The following MMEL1 variants were observed in gnomAD, a reference collection of about 807,000 sequenced individuals.
The protein encoded by MMEL1 is membrane metallo-endopeptidase-like 1.
Under a neutral mutation model 117.1 loss-of-function variants are expected in MMEL1, and 98 were observed. That is an observed-to-expected ratio of 0.84 (90% CI 0.71 to 0.99). The LOEUF is 0.99. MMEL1 is among the 50% of genes least tolerant of loss of function. MMEL1 has a pLI of 0.00. For missense variants in MMEL1, 1,014 were observed against 1,049.1 expected (o/e 0.97, Z 0.46); for synonymous variants, 390 against 415.1 (o/e 0.94, Z 0.74).
chr1:2,599,650 G>A (rs988762677), intron 11 of MMEL1, among the ~76,000 whole-genome samples: 3 of 152,214 alleles, frequency 2.0e-5, no homozygotes, highest in Admixed American at 2.0e-4. Context: ...CTGAGGCCAG[G>A]AGTTCAAGGC....
chr1:2,607,485 C>T (rs1218368798), intron 6 of MMEL1, among the ~76,000 whole-genome samples: 12 of 150,218 alleles, frequency 8.0e-5, no homozygotes, highest in African/African-American at 2.7e-4. Context: ...TGGGAGGGGG[C>T]GCGGGGTAGG....
intron 11 of MMEL1, among the ~76,000 whole-genome samples, chr1:2,603,213 C>T (rs897700688): frequency 2.0e-5 from 3 of 152,220 alleles, no homozygotes; most frequent in Non-Finnish European, 4.4e-5. Flanking sequence ...GTTGAGGGGG[C>T]AGGGGCTTTG....
intron 2 of MMEL1, 93 bp downstream of exon 2, chr1:2,629,238 G>A (rs568636656): frequency 2.2e-6 from 3 of 1,355,320 alleles, no homozygotes; most frequent in Admixed American, 5.3e-5. Context: ...GGGCGGGCTC[G>A]GGCTGGGGGC....
intron 9 of MMEL1, 138 bp downstream of exon 9, chr1:2,605,420 A>C (rs1162831941): frequency 1.3e-6 from 1 of 742,970 alleles, no homozygotes; most frequent in African/African-American, 1.7e-5. Flanking sequence ...CGCCACCCTC[A>C]GTGCCGGGCT....
At chr1:2,599,598 C>T (rs1570661706) in intron 11 of MMEL1, among the ~76,000 whole-genome samples, 1 of 152,224 alleles carries the variant, frequency 6.6e-6, no homozygotes, top group Non-Finnish European at 1.5e-5. Context: ...TGGCTCACGC[C>T]TGTAATCCCA....
chr1:2,619,649 C>T (rs1225299552), intron 2 of MMEL1, among the ~76,000 whole-genome samples: 1 of 64,682 alleles, frequency 1.5e-5, no homozygotes, highest in Non-Finnish European at 2.7e-5. Context: ...CAGAGTGAGA[C>T]TCTATCAAAA....
chr1:2,594,016 G>C, intron 18 of MMEL1, 83 bp from the exon 19 acceptor site: 1 of 1,475,144 alleles, frequency 6.8e-7, no homozygotes. Context: ...GCTGCCAGGG[G>C]TTCTGACACT....
Position 2,595,615 on chromosome 1 carries a change from G to C in MMEL1, c.1501-256C>G, listed in dbSNP as rs1644823316. 6.6e-6 allele frequency among the ~76,000 whole-genome samples: 1 copy of C among 152,120 alleles called. No individual in the cohort carries two copies. The highest frequency in any genetic ancestry group is 1.5e-5 in the Non-Finnish European group (1 of 68,004). On this transcript the variant is annotated intron_variant, in intron 15 of 23. Transcript: ENST00000378412. The surrounding 1 kb of genome is among the most constrained non-coding windows in gnomAD (Gnocchi z 4.8). ...GAGCCCAACAGCCCGCCAGGGGTCC[G>C]GGTGGGGGCAGGGGCCCTGGAGGGG...
In MMEL1 at chr1:2,595,327, AG is replaced by A. The variant is rs757327398; in HGVS notation, c.1532del (p.Pro511LeufsTer8). On this transcript the variant is annotated frameshift_variant, in exon 16 of 24. Transcript: ENST00000378412. LOFTEE classifies it high-confidence loss of function. The surrounding 1 kb of genome is among the most constrained non-coding windows in gnomAD (Gnocchi z 4.8). The part of the protein sequence containing the change: ...AMSIREQIGH[P>X]DYILEEMNRR... Reference sequence around the variant, plus strand: ...TGTTCATCTCCTCCAGGATGTAGTCAGGGTGCCCGATCTGCTCCCGGATGCT... The same window carrying A: ...TGTTCATCTCCTCCAGGATGTAGTCAGGTGCCCGATCTGCTCCCGGATGCT... 1.9e-6 allele frequency: 3 copies of A among 1,613,780 alleles called. No individual in the cohort carries two copies. Among genetic ancestry groups the A allele is most frequent in the Admixed American group, 1.7e-5 (1 of 59,994 alleles).
rs754937936 is a variant in MMEL1 at position 2,593,941 on chromosome 1, C to T, written c.1748-8G>A. 6.3e-7 allele frequency: 1 copy of T among 1,594,772 alleles called. No individual in the cohort carries two copies. Among genetic ancestry groups the T allele is most frequent in the South Asian group, 1.1e-5 (1 of 88,880 alleles). On this transcript the variant is annotated splice_polypyrimidine_tract_variant and splice_region_variant and intron_variant, in intron 18 of 23. Transcript: ENST00000378412. ...GGATCCCGGCAGGGAATACTGTCCC[C>T]AAGGGCGGGACAAAGAATAAGCTGT...
chr1:2,596,135 C>T, intron 14 of MMEL1, 28 bp from the exon 15 acceptor site: 1 of 1,592,514 alleles, frequency 6.3e-7, no homozygotes, highest in Non-Finnish European at 8.6e-7. Flanking sequence ...CCCTCGTGTC[C>T]CAGACTCATC....
At chr1:2,622,370 C>A (rs568970832) in intron 2 of MMEL1, among the ~76,000 whole-genome samples, 2 of 152,136 alleles carry the variant, frequency 1.3e-5, no homozygotes, top group African/African-American at 4.8e-5. Context: ...TAACAGGCTC[C>A]CAGGCAATGG....
At chr1:2,609,927 C>G in intron 4 of MMEL1, 96 bp from the exon 5 acceptor site, 1 of 1,397,956 alleles carries the variant, frequency 7.2e-7, no homozygotes, top group Non-Finnish European at 9.7e-7. Context: ...ACAGCCTGGT[C>G]CCTTGGGAAG....
chr1:2,591,886 G>A (rs776004850), intron 22 of MMEL1, 46 bp downstream of exon 22: 2 of 1,571,112 alleles, frequency 1.3e-6, no homozygotes, highest in South Asian at 1.1e-5. Flanking sequence ...CTCCAGAGAT[G>A]AGTGGGGAAG....
intron 1 of MMEL1, among the ~76,000 whole-genome samples, chr1:2,631,022 T>C (rs1339508285): frequency 6.6e-6 from 1 of 152,084 alleles, no homozygotes; most frequent in Admixed American, 6.5e-5. Context: ...CATGTGCATG[T>C]GCATGATTGT....
At chr1:2,613,274 G>A (rs1442173710) in intron 2 of MMEL1, among the ~76,000 whole-genome samples, 2 of 152,230 alleles carry the variant, frequency 1.3e-5, no homozygotes, top group Non-Finnish European at 2.9e-5. Flanking sequence ...CCCCAGGCCA[G>A]CAACGGAAAG....
At chr1:2,594,562 T>A in intron 17 of MMEL1, 119 bp from the exon 18 acceptor site, 1 of 1,260,734 alleles carries the variant, frequency 7.9e-7, no homozygotes, top group African/African-American at 1.5e-5. Context: ...CCCAGGCCTA[T>A]CCCAAGATCT....
Position 2,609,385 on chromosome 1 carries a change from C to T in MMEL1, c.489G>A (p.Pro163=), listed in dbSNP as rs1192911254. The change falls in exon 6 of 24, where the codon CCG becomes CCA. Residue 163 remains proline, a synonymous_variant. Coordinates refer to ENST00000378412, the MANE Select transcript of MMEL1 (RefSeq NM_033467.4). The part of the protein sequence containing the change: ...VLENSTAKDR[P]AVEKARTLYR... ...ACAGCGTCCTGGCCTTCTCCACAGCCGGCCGGTCCTTGGCAGTCGAATTCT... is the reference window on the plus strand; with the variant it reads ...ACAGCGTCCTGGCCTTCTCCACAGCTGGCCGGTCCTTGGCAGTCGAATTCT... The T allele has an allele frequency of 9.3e-6, 15 of 1,612,174 alleles. No individual in the cohort carries two copies. The highest frequency in any genetic ancestry group is 2.2e-5 in the South Asian group (2 of 90,746).
intron 2 of MMEL1, among the ~76,000 whole-genome samples, chr1:2,621,552 TC>T (rs1645289146): frequency 6.6e-6 from 1 of 151,124 alleles, no homozygotes; most frequent in Admixed American, 6.6e-5. Context: ...GTCCCACCTT[TC>T]TGGACTGAAC....
Sources: gnomAD v4.1 joint callset for allele counts (sites outside exome capture counted in the v4.1 genomes callset) on GRCh38, gnomAD v4.1.1 for gene constraint, Gnocchi (gnomAD v3.1) non-coding constraint, MANE v1.5 for transcripts, NCBI Gene and HGNC (gene_info 2026-07-23, HGNC 2026-07-21) for gene names.